Variants in C2CD3 observed in about 807,000 individuals in gnomAD.
The protein encoded by C2CD3 is C2 domain containing 3 centriole elongation regulator, also known as C2 domain-containing protein 3.
A neutral mutation model predicts 234.0 loss-of-function variants in C2CD3; 148 were observed. The observed-to-expected ratio is 0.63, with a 90% CI of 0.55 to 0.72. C2CD3 has a LOEUF of 0.72. Among genes scored for constraint, C2CD3 ranks in the 30% least tolerant of loss-of-function variants. The pLI is 0.00. For synonymous variants in C2CD3, 1,000 were observed against 1,035.4 expected, an observed-to-expected ratio of 0.97 and a Z score of 0.66; for missense variants, 2,577 against 2,811.5, an observed-to-expected ratio of 0.92 and a Z score of 1.89.
chr11:74,103,372 G>A lies in C2CD3; in HGVS notation c.2339C>T (p.Thr780Ile), dbSNP rs763001401. Residue 780 changes from threonine to isoleucine, a missense_variant, in exon 14 of 33, where the codon ACC (threonine) becomes ATC (isoleucine). Transcript: ENST00000334126. ...ATGGGAGGCTGGCGTAGCTACGAAGGTTGAAGGATGTGGTGCTACAGGGCT... is the reference window on the plus strand; with the variant it reads ...ATGGGAGGCTGGCGTAGCTACGAAGATTGAAGGATGTGGTGCTACAGGGCT... ...SPSPVAPHPS[T>I]FVATPASHNL... 23 of 1,614,084 alleles carry A rather than the reference G, an allele frequency of 1.4e-5. 1 individual carries two copies. The South Asian group carries it at 1.9e-4, about 13-fold the overall frequency.
chr11:74,115,322 A>C (rs1191246717), intron 9 of C2CD3, among the ~76,000 whole-genome samples: 1 of 151,992 alleles, frequency 6.6e-6, no homozygotes, highest in Non-Finnish European at 1.5e-5. Context: ...GAAACTCCAA[A>C]TTTAGGTTTT....
intron 8 of C2CD3, among the ~76,000 whole-genome samples, chr11:74,119,433 T>C (rs1159743864): frequency 6.6e-6 from 1 of 152,146 alleles, no homozygotes; most frequent in Non-Finnish European, 1.5e-5. Flanking sequence ...GCATTATAGT[T>C]ACTGGGTTCC....
chr11:74,168,313 C>T (rs1387058566), intron 2 of C2CD3, 31 bp downstream of exon 2: 2 of 1,574,564 alleles, frequency 1.3e-6, no homozygotes, highest in Non-Finnish European at 1.7e-6. Context: ...TGTATTACGT[C>T]TGCAGGTGCA....
chr11:74,027,498 G>A (rs1321783997), intron 32 of C2CD3, among the ~76,000 whole-genome samples: 4 of 152,172 alleles, frequency 2.6e-5, no homozygotes, highest in Non-Finnish European at 5.9e-5. Flanking sequence ...TTGGAACAGT[G>A]CCTGGTACAT....
chr11:74,152,643 TA>T (rs1855739858), intron 3 of C2CD3, among the ~76,000 whole-genome samples: 2 of 152,324 alleles, frequency 1.3e-5, no homozygotes, highest in South Asian at 4.1e-4. Flanking sequence ...ACTGAAACAT[TA>T]AATCACAATA....
At chr11:74,142,001 C>CA (rs1265341338) in intron 3 of C2CD3, 1 of 152,078 alleles carries the variant, frequency 6.6e-6, no homozygotes, top group Non-Finnish European at 1.5e-5. Flanking sequence ...GACTCTGTTT[C>CA]AAAAAAAATA....
intron 13 of C2CD3, among the ~76,000 whole-genome samples, chr11:74,105,212 T>G (rs944379558): frequency 6.6e-6 from 1 of 152,182 alleles, no homozygotes; most frequent in African/African-American, 2.4e-5. Flanking sequence ...ATATTAAGCC[T>G]TGTACTTTAT....
chr11:74,139,099 C>T (rs1590916655), intron 4 of C2CD3, 132 bp from the exon 5 acceptor site: 1 of 649,798 alleles, frequency 1.5e-6, no homozygotes, highest in East Asian at 2.7e-5. Context: ...GACTTATTTG[C>T]AATACAACTT....
rs756187670 is a variant in C2CD3, at chr11:74,103,169, C to A, written c.2542G>T (p.Ala848Ser). Residue 848 changes from alanine to serine, a missense_variant, in exon 14 of 33, where the codon GCA becomes TCA. Ala to Ser is a moderately conservative substitution (Grantham distance 99). Coordinates refer to ENST00000334126, the MANE Select transcript of C2CD3 (RefSeq NM_001286577.2). ...STEEVTRSVI[A>S]WGTTQPVFNF... ...AAGACCGGTTGTGTTGTGCCCCATG[C>A]GATGACAGATCTGGTGACTTCCTCT... 3 of 1,613,762 alleles carry A rather than the reference C, an allele frequency of 1.9e-6. No individual in the cohort carries two copies. Among genetic ancestry groups the A allele is most frequent in the Non-Finnish European group, 2.5e-6 (3 of 1,179,804 alleles).
Position 74,078,207 on chromosome 11 carries a change from T to C in C2CD3, c.4511A>G (p.Glu1504Gly), listed in dbSNP as rs372607355. ...VWRAYGNDSV[E>G]RPHQTDSWIG... The stretch of plus-strand genomic sequence containing the variant: ...CCAGCTGTCTGTCTGATGGGGTCTC[T>C]CCACACTGTCATTGCCATAAGCTCG... Residue 1504 changes from glutamate to glycine, a missense_variant, in exon 23 of 33, where the codon GAG (glutamate) becomes GGG (glycine). Glu to Gly is a moderately conservative substitution (Grantham distance 98). Coordinates refer to ENST00000334126, the MANE Select transcript of C2CD3 (RefSeq NM_001286577.2). 4 of 1,614,068 alleles carry C rather than the reference T, an allele frequency of 2.5e-6. No homozygotes were observed. Among genetic ancestry groups the C allele is most frequent in the East Asian group, 2.2e-5 (1 of 44,862 alleles).
intron 32 of C2CD3, among the ~76,000 whole-genome samples, chr11:74,019,179 C>T (rs752611772): frequency 6.6e-6 from 1 of 152,194 alleles, no homozygotes; most frequent in African/African-American, 2.4e-5. Context: ...AAAAGTTATA[C>T]TCTTACAAGA....
At chr11:74,140,409 A>T (rs1408886748) in intron 3 of C2CD3, among the ~76,000 whole-genome samples, 1 of 152,208 alleles carries the variant, frequency 6.6e-6, no homozygotes, top group African/African-American at 2.4e-5. Flanking sequence ...GTTTCTACTT[A>T]ATCTGTATCT....
intron 3 of C2CD3, among the ~76,000 whole-genome samples, chr11:74,152,161 C>G (rs889412333): frequency 9.2e-5 from 14 of 152,008 alleles, no homozygotes; most frequent in Non-Finnish European, 2.1e-4. Flanking sequence ...TTCTATCCAG[C>G]CTGATCCAGA....
Position 74,170,835 on chromosome 11 carries a change from G to A in C2CD3, c.-43C>T, listed in dbSNP as rs776212647. On this transcript the variant is annotated 5_prime_UTR_variant, in exon 1 of 33. Transcript: ENST00000334126. ...CTTCACCAGCTCAACTCCGTCTCCA[G>A]CACCTAAGCAGTATCCTCCCGCCAT... The A allele has an allele frequency of 1.9e-6, 3 of 1,609,632 alleles. No individual in the cohort carries two copies. Among genetic ancestry groups the A allele is most frequent in the Non-Finnish European group, 1.7e-6 (2 of 1,177,890 alleles).
intron 3 of C2CD3, among the ~76,000 whole-genome samples, chr11:74,152,193 C>T (rs1159601883): frequency 2.0e-5 from 3 of 152,022 alleles, no homozygotes; most frequent in Non-Finnish European, 4.4e-5. Context: ...AAACAAATTA[C>T]TAATATTAGG....
intron 30 of C2CD3, 185 bp from the exon 31 acceptor site, chr11:74,034,463 CTAATATCAG>C (rs1469512806): frequency 7.0e-5 from 109 of 1,552,990 alleles, no homozygotes; most frequent in Non-Finnish European, 9.1e-5. Context: ...GTACTTTATT[CTAATATCAG>C]AGGACCAGAA....
Position 74,165,683 on chromosome 11 carries a change from T to G in C2CD3, c.325+2661A>C, listed in dbSNP as rs543821634. 7.6e-4 allele frequency among the ~76,000 whole-genome samples: 116 copies of G among 152,278 alleles called. 1 individual carries two copies. Among genetic ancestry groups the G allele is most frequent in the African/African-American group, 2.7e-3 (112 of 41,562 alleles). ...TTCTTTCTTTTTTAGAAACAGGGTC[T>G]CACTCTGTCACCCAGGCTGGAGTAC... On this transcript the variant is annotated intron_variant, in intron 2 of 32. Transcript: ENST00000334126.
chr11:74,159,642 C>T (rs146745227), intron 3 of C2CD3, among the ~76,000 whole-genome samples: 1,599 of 145,524 alleles, frequency 0.011, 17 homozygotes, highest in African/African-American at 0.039. Context: ...ATTGTTATTA[C>T]AAAAGTCAAA....
intron 7 of C2CD3, among the ~76,000 whole-genome samples, chr11:74,132,292 A>C (rs1202898020): frequency 6.6e-6 from 1 of 152,178 alleles, no homozygotes; most frequent in Non-Finnish European, 1.5e-5. Context: ...AGGAGGTTGC[A>C]GTGAGCTGAG....
Sources: gnomAD v4.1 joint callset for allele counts (sites outside exome capture counted in the v4.1 genomes callset) on GRCh38, gnomAD v4.1.1 for gene constraint, MANE v1.5 for transcripts, NCBI Gene and HGNC (gene_info 2026-07-23, HGNC 2026-07-21) for gene names.